The following LTBP4 variants were observed in gnomAD, a reference collection of about 807,000 sequenced individuals.
LTBP4 encodes latent transforming growth factor beta binding protein 4, also known as latent-transforming growth factor beta-binding protein 4.
LTBP4 carries 93 observed loss-of-function variants against 180.2 expected under a neutral mutation model. The observed-to-expected ratio is 0.52, with a 90% CI of 0.44 to 0.61. The LOEUF (loss-of-function observed/expected upper bound fraction) is 0.61. Among genes scored for constraint, LTBP4 ranks in the 20% least tolerant of loss-of-function variants. LTBP4 has a pLI of 0.00. For missense variants in LTBP4, 2,116 were observed against 2,256.5 expected, an observed-to-expected ratio of 0.94 and a Z score of 1.26; for synonymous variants, 947 against 934.5, an observed-to-expected ratio of 1.01 and a Z score of -0.24.
chr19:40,621,987 A>G (rs767938018), intron 22 of LTBP4, among the ~76,000 whole-genome samples: 3 of 152,128 alleles, frequency 2.0e-5, no homozygotes, highest in South Asian at 2.1e-4. Flanking sequence ...GACCTCAAGT[A>G]ATCCAACCGC....
chr19:40,614,745 C>T (rs1568408970), intron 19 of LTBP4, among the ~76,000 whole-genome samples: 1 of 152,160 alleles, frequency 6.6e-6, no homozygotes, highest in Non-Finnish European at 1.5e-5. Context: ...AGGCCCCGCC[C>T]CTTCCAATCG....
chr19:40,623,114 G>C lies in LTBP4; in HGVS notation c.3556+93G>C, dbSNP rs1032439961. The C allele has an allele frequency of 6.6e-6, 6 of 905,378 alleles. No homozygotes were observed. In the Admixed American group the frequency reaches 8.6e-5, roughly 13 times the overall value. 56.1% of individuals were successfully genotyped at this position (905,378 alleles called of 1,614,324 possible). On this transcript the variant is annotated intron_variant, in intron 24 of 29. Transcript: ENST00000396819. ...TTTGCCTCTGTCTCTCACCCTTTCT[G>C]TTTCTCTGTATCTGTCTCCCCGACC...
Position 40,611,306 on chromosome 19 carries a change from G to A in LTBP4, c.1965G>A (p.Gly655=). 4.3e-6 allele frequency: 7 copies of A among 1,611,492 alleles called. No homozygotes were observed. The highest frequency in any genetic ancestry group is 5.9e-6 in the Non-Finnish European group (7 of 1,179,328). ...GTGCCCAGGAGCCGCCGCCCTGTGG[G>A]CCCGGCCGCTGTGACAACACGGCAG... ...DECAQEPPPC[G]PGRCDNTAGS... The change falls in exon 13 of 30, where the codon GGG becomes GGA. Residue 655 remains glycine, a synonymous_variant. Coordinates refer to ENST00000396819, the MANE Select transcript of LTBP4 (RefSeq NM_001042545.2). This position sits in a 1 kb window ranked among gnomAD's most constrained non-coding sequence, Gnocchi z 4.4.
chr19:40,598,325 C>T (rs2081402160), upstream of LTBP4, among the ~76,000 whole-genome samples: 1 of 152,074 alleles, frequency 6.6e-6, no homozygotes, highest in Admixed American at 6.5e-5. Flanking sequence ...CTCCACTCGG[C>T]CCCACCCACC....
intron 26 of LTBP4, among the ~76,000 whole-genome samples, chr19:40,625,316 A>ATATATATATATTTT (rs1568414647): frequency 9.1e-5 from 2 of 21,932 alleles, no homozygotes; most frequent in Non-Finnish European, 1.6e-4. Flanking sequence ...ATATATATAT[A>ATATATATATATTTT]TTTTTTTTTT....
At chr19:40,628,451 T>C (rs1391076380) in intron 29 of LTBP4, among the ~76,000 whole-genome samples, 1 of 151,466 alleles carries the variant, frequency 6.6e-6, no homozygotes, top group African/African-American at 2.4e-5. Flanking sequence ...GAGGCAGAGG[T>C]TGTGGTGAGC....
chr19:40,627,415 G>A, intron 28 of LTBP4, 60 bp downstream of exon 28: 8 of 1,446,112 alleles, frequency 5.5e-6, no homozygotes, highest in Non-Finnish European at 6.3e-6. Context: ...ACGGAGAGAG[G>A]AGGGAGGGAA....
chr19:40,603,005 C>T (rs1191669981), intron 1 of LTBP4, among the ~76,000 whole-genome samples: 1 of 152,156 alleles, frequency 6.6e-6, no homozygotes, highest in Non-Finnish European at 1.5e-5. Context: ...ACCCTGGAGT[C>T]ATGGCCCCAC....
chr19:40,607,275 AC>A (rs1239672193), intron 6 of LTBP4, 89 bp from the exon 7 acceptor site: 2 of 657,096 alleles, frequency 3.0e-6, no homozygotes, highest in African/African-American at 2.2e-5. Flanking sequence ...CCCACCCCCA[AC>A]CCCAGAACCA....
At chr19:40,596,279 C>A (rs1407016080) in intron 1 of LTBP4, among the ~76,000 whole-genome samples, 3 of 152,054 alleles carry the variant, frequency 2.0e-5, no homozygotes, top group Admixed American at 2.0e-4. Flanking sequence ...CTCAGGCTCA[C>A]CTCAAACTCC....
intron 5 of LTBP4, 45 bp downstream of exon 5, chr19:40,606,352 A>C (rs1479830226): frequency 6.2e-7 from 1 of 1,602,456 alleles, no homozygotes; most frequent in Non-Finnish European, 8.5e-7. Context: ...TGGGGGCGGG[A>C]TTTGCAGGGA....
chr19:40,609,832 C>CCGGGCTTCCGAGCCGGCCCA lies in LTBP4; in HGVS notation c.1652_1671dup (p.Ala558SerfsTer193). ...AGGCAGCTTCCGCTGCGTGTGCGGC[C>CCGGGCTTCCGAGCCGGCCCA]CGGGCTTCCGAGCCGGCCCACGGGC... On this transcript the variant is annotated frameshift_variant, in exon 11 of 30. Transcript: ENST00000396819. LOFTEE classifies it high-confidence loss of function. This position sits in a 1 kb window ranked among gnomAD's most constrained non-coding sequence, Gnocchi z 4.9. The CCGGGCTTCCGAGCCGGCCCA allele has an allele frequency of 6.3e-7, 1 of 1,599,120 alleles. No homozygotes were observed. Among genetic ancestry groups the CCGGGCTTCCGAGCCGGCCCA allele is most frequent in the Non-Finnish European group, 8.5e-7 (1 of 1,172,328 alleles).
intron 21 of LTBP4, among the ~76,000 whole-genome samples, 157 bp from the exon 22 acceptor site, chr19:40,619,190 A>G (rs1195391603): frequency 1.3e-5 from 2 of 152,116 alleles, no homozygotes; most frequent in East Asian, 1.9e-4. Flanking sequence ...AGGGTTCCCA[A>G]GGGAAATTCA....
At position 40,627,793 on chromosome 19, in the gene LTBP4, C is replaced by A; in HGVS notation, c.4455C>A (p.Pro1485=). The A allele has an allele frequency of 1.3e-6, 2 of 1,570,778 alleles. No homozygotes were observed. The highest frequency in any genetic ancestry group is 4.7e-5 in the East Asian group (2 of 42,422). ...GCTNGRCVRV[P]EGFTCRCFDG... ...CCAACGGCCGCTGCGTGCGCGTCCC[C>A]GAAGGCTTCACCTGCCGTTGCTTCG... is the stretch of plus-strand genomic sequence containing the variant. Residue 1485 remains proline (P), a synonymous_variant, in exon 29 of 30, where the codon CCC becomes CCA. Transcript: ENST00000396819.
upstream of LTBP4, chr19:40,599,504 C>G (rs771764789): frequency 1.2e-6 from 2 of 1,613,434 alleles, no homozygotes; most frequent in East Asian, 4.5e-5. Flanking sequence ...AGTGCCCAGT[C>G]CCAGCCCCAG....
Position 40,605,075 on chromosome 19 carries a change from G to A in LTBP4, c.291G>A (p.Val97=). The A allele has an allele frequency of 6.2e-7, 1 of 1,613,846 alleles. No individual in the cohort carries two copies. Among genetic ancestry groups the A allele is most frequent in the East Asian group, 2.2e-5 (1 of 44,872 alleles). ...TCTGTCACAATGGCGGTGTGTGCGT[G>A]AAGCCTGACCGCTGCCTCTGTCCCC... The part of the protein sequence containing the change: ...PLICHNGGVC[V]KPDRCLCPPD... The change falls in exon 2 of 30, where the codon GTG becomes GTA. Residue 97 remains valine (V), a synonymous_variant. Coordinates refer to ENST00000396819, the MANE Select transcript of LTBP4 (RefSeq NM_001042545.2). This position sits in a 1 kb window ranked among gnomAD's most constrained non-coding sequence, Gnocchi z 5.5.
At chr19:40,615,521 A>T (rs2081542564) in intron 19 of LTBP4, 1 of 152,228 alleles carries the variant, frequency 6.6e-6, no homozygotes, top group African/African-American at 2.4e-5. Flanking sequence ...GCACTTTGGG[A>T]GGCCAAGGCG....
chr19:40,615,196 G>GGTGGT (rs111948061), intron 19 of LTBP4: 2 of 146,524 alleles, frequency 1.4e-5, no homozygotes, highest in African/African-American at 5.1e-5. Flanking sequence ...GTGTCGGCGG[G>GGTGGT]GGGGGGGGGG....
rs558926081 is a variant in LTBP4 at position 40,626,390 on chromosome 19, A to C, written c.3985+381A>C. ...TCAGACCTCACCATCCTGGCCCCAG[A>C]CCCCCTGGTCACAGCCCCACAGACC... On this transcript the variant is annotated intron_variant, in intron 27 of 29. Coordinates refer to ENST00000396819, the MANE Select transcript of LTBP4 (RefSeq NM_001042545.2). Among the ~76,000 whole-genome samples the C allele has an allele frequency of 2.6e-5, 4 of 151,808 alleles. No homozygotes were observed. In the South Asian group the frequency reaches 8.3e-4, roughly 32 times the overall value.
Sources: gnomAD v4.1 joint callset for allele counts (sites outside exome capture counted in the v4.1 genomes callset) on GRCh38, gnomAD v4.1.1 for gene constraint, Gnocchi (gnomAD v3.1) non-coding constraint, MANE v1.5 for transcripts, NCBI Gene and HGNC (gene_info 2026-07-23, HGNC 2026-07-21) for gene names.